Variants in PPRC1 observed in about 807,000 individuals in gnomAD.
The protein encoded by PPRC1 is peroxisome proliferator-activated receptor gamma coactivator-related protein 1.
PPRC1 carries 23 observed loss-of-function variants against 132.5 expected under a neutral mutation model. The observed-to-expected ratio is 0.17, with a 90% CI of 0.12 to 0.25. The LOEUF (loss-of-function observed/expected upper bound fraction) is 0.25. Ranked by LOEUF, PPRC1 falls within the 10% of genes least tolerant of loss-of-function variation. The probability of loss-of-function intolerance (pLI) is 1.00; values close to 1 mark genes in which losing one functional copy is unlikely to be tolerated. For synonymous variants in PPRC1, 872 were observed against 833.5 expected (o/e 1.05, Z -0.80); for missense variants, 2,006 against 2,089.1 (o/e 0.96, Z 0.78).
chr10:102,137,871 G>T lies in PPRC1; in HGVS notation c.175G>T (p.Gly59Cys). The stretch of plus-strand genomic sequence containing the variant: ...CCAGGTGCTGCTGCATGAGGAGGCG[G>T]GTGATTCTGGCTTTGTCAGTCTCTC... ...GEQVLLHEEA[G>C]DSGFVSLSRL... The change falls in exon 2 of 14, where the codon GGT becomes TGT. Residue 59 changes from glycine to cysteine, a missense_variant. By Grantham distance (159) the Gly-to-Cys change is radical (BLOSUM62 -3). This residue lies in a region of PPRC1 where 1,914 missense variants were observed against 1,917.2 expected (regional missense o/e 1.00). Coordinates refer to ENST00000278070, the MANE Select transcript of PPRC1 (RefSeq NM_015062.5). The T allele has an allele frequency of 6.2e-7, 1 of 1,613,940 alleles. No individual in the cohort carries two copies. The highest frequency in any genetic ancestry group is 8.5e-7 in the Non-Finnish European group (1 of 1,179,936).
Position 102,148,873 on chromosome 10 carries a change from G to A in PPRC1, c.4674G>A (p.Glu1558=), listed in dbSNP as rs141475708. Residue 1558 remains glutamate, a synonymous_variant, in exon 12 of 14, where the codon GAG becomes GAA. Coordinates refer to ENST00000278070, the MANE Select transcript of PPRC1 (RefSeq NM_015062.5). The surrounding 1 kb of genome is among the most constrained non-coding windows in gnomAD (Gnocchi z 4.2). ...TACCTGGCCGCATGACTCGATCAGA[G>A]CTGAAACAGAGGTTCTCCGTTTTTG... The part of the protein sequence containing the change: ...GKIPGRMTRS[E]LKQRFSVFGE... 59 of 1,614,096 alleles carry A rather than the reference G, an allele frequency of 3.7e-5. No individual in the cohort carries two copies. Among genetic ancestry groups the A allele is most frequent in the Non-Finnish European group, 4.6e-5 (54 of 1,180,042 alleles).
intron 1 of PPRC1, among the ~76,000 whole-genome samples, chr10:102,133,990 T>TG (rs1462829197): frequency 4.0e-5 from 6 of 151,456 alleles, no homozygotes; most frequent in Admixed American, 6.6e-5. Context: ...CTGAGTGTGA[T>TG]GGGGAGGGTA....
In PPRC1 at chr10:102,138,968, T is replaced by C. The variant is rs2068830741; in HGVS notation, c.579T>C (p.Ser193=). ...VDPLGPSTGS[S]RGSGVEMSLP... ...CACTGGGGCCCAGTACAGGCAGCAG[T>C]AGAGGGAGTGGGGTAAGCCTGACCT... Residue 193 remains serine (S), a synonymous_variant, in exon 4 of 14, where the codon AGT becomes AGC. Transcript: ENST00000278070. 6.2e-7 allele frequency: 1 copy of C among 1,613,488 alleles called. No homozygotes were observed. Among genetic ancestry groups the C allele is most frequent in the African/African-American group, 1.3e-5 (1 of 74,896 alleles).
At chr10:102,129,377 A>C (rs924385661), upstream of PPRC1, among the ~76,000 whole-genome samples, 1 of 152,182 alleles carries the variant, frequency 6.6e-6, no homozygotes, top group African/African-American at 2.4e-5. Context: ...AATGCACTTA[A>C]GGACTAGTAG....
Position 102,139,816 on chromosome 10 carries a change from G to A in PPRC1, c.1308G>A (p.Pro436=), listed in dbSNP as rs749670501. The A allele has an allele frequency of 1.5e-5, 25 of 1,614,072 alleles. No individual in the cohort carries two copies. Among genetic ancestry groups the A allele is most frequent in the Middle Eastern group, 1.6e-4 (1 of 6,082 alleles). The stretch of plus-strand genomic sequence containing the variant: ...TGAAGCCCAGGGAGGTCGTGGAGCC[G>A]GTGGTGCCCAAGGAGCCTCAGAACC... ...CLLKPREVVE[P]VVPKEPQNPP... is the part of the protein sequence containing the mutation. Residue 436 remains proline, a synonymous_variant, in exon 5 of 14, where the codon CCG becomes CCA. Coordinates refer to ENST00000278070, the MANE Select transcript of PPRC1 (RefSeq NM_015062.5).
the PPRC1 span, among the ~76,000 whole-genome samples, chr10:102,125,253 G>A: frequency 2.8e-5 from 4 of 141,842 alleles, no homozygotes; most frequent in East Asian, 8.2e-4. Flanking sequence ...ACCACACCCA[G>A]TTAATTTTTT....
chr10:102,120,209 G>C, the PPRC1 span: 1 of 1,015,818 alleles, frequency 9.8e-7, no homozygotes, highest in African/African-American at 1.7e-5. Flanking sequence ...CGCGGCCCCC[G>C]CTGCGCTCGC....
At chr10:102,126,104 C>T in the PPRC1 span, among the ~76,000 whole-genome samples, 1 of 152,110 alleles carries the variant, frequency 6.6e-6, no homozygotes, top group African/African-American at 2.4e-5. Flanking sequence ...TCAGGTGATC[C>T]ACCCGCCTTG....
upstream of PPRC1, among the ~76,000 whole-genome samples, chr10:102,131,042 C>G (rs1422397427): frequency 6.6e-6 from 1 of 151,216 alleles, no homozygotes; most frequent in Non-Finnish European, 1.5e-5. Context: ...AATACAAAAA[C>G]AAATTAGCTG....
rs746702196 is a variant in PPRC1, at chr10:102,141,834, C to T, written c.3326C>T (p.Pro1109Leu). 6.2e-7 allele frequency: 1 copy of T among 1,614,058 alleles called. No individual in the cohort carries two copies. Among genetic ancestry groups the T allele is most frequent in the Non-Finnish European group, 8.5e-7 (1 of 1,179,984 alleles). Reference protein sequence around the residue: ...RLKPETQETRPREKPPLPATK... With the variant: ...RLKPETQETRLREKPPLPATK... ...AAGCCTGAGACCCAAGAGACCAGGC[C>T]CAGGGAGAAGCCCCCCTTGCCTGCT... The change falls in exon 5 of 14, where the codon CCC becomes CTC. Residue 1109 changes from proline (P) to leucine (L), a missense_variant. By Grantham distance (98) the Pro-to-Leu change is moderately conservative (BLOSUM62 -3). This residue lies in a region of PPRC1 where 1,914 missense variants were observed against 1,917.2 expected (regional missense o/e 1.00). Coordinates refer to ENST00000278070, the MANE Select transcript of PPRC1 (RefSeq NM_015062.5).
rs758186788 is a variant in PPRC1 at position 102,139,787 on chromosome 10, T to G, written c.1279T>G (p.Leu427Val). ...AGAGGAGAAGCTGGACTCAGCCTGCTTATTGAAGCCCAGGGAGGTCGTGGA... is the reference window on the plus strand; with the variant it reads ...AGAGGAGAAGCTGGACTCAGCCTGCGTATTGAAGCCCAGGGAGGTCGTGGA... Reference protein sequence around the residue: ...NSEEKLDSACLLKPREVVEPV... With the variant: ...NSEEKLDSACVLKPREVVEPV... The change falls in exon 5 of 14, where the codon TTA (leucine) becomes GTA (valine). Residue 427 changes from leucine (L) to valine (V), a missense_variant. Leu to Val is a conservative substitution (Grantham distance 32). Transcript: ENST00000278070. The G allele has an allele frequency of 6.2e-7, 1 of 1,614,094 alleles. No homozygotes were observed. The highest frequency in any genetic ancestry group is 1.3e-5 in the African/African-American group (1 of 74,932).
the PPRC1 span, among the ~76,000 whole-genome samples, chr10:102,127,702 G>A: frequency 1.3e-5 from 2 of 151,152 alleles, no homozygotes; most frequent in East Asian, 2.0e-4. Flanking sequence ...CACCACGCCC[G>A]GCCTGCCCAG....
At chr10:102,145,522 G>A (rs981736868) in intron 8 of PPRC1, among the ~76,000 whole-genome samples, 18 of 150,376 alleles carry the variant, frequency 1.2e-4, no homozygotes, top group Admixed American at 1.1e-3. Flanking sequence ...AGGGAGCTGA[G>A]ATCGTGCCAC....
chr10:102,137,962 C>T lies in PPRC1; in HGVS notation c.266C>T (p.Thr89Ile). Residue 89 changes from threonine to isoleucine, a missense_variant, in exon 2 of 14, where the codon ACA becomes ATA. By Grantham distance (89) the Thr-to-Ile change is moderately conservative. Coordinates refer to ENST00000278070, the MANE Select transcript of PPRC1 (RefSeq NM_015062.5). ...GAGGAGCTAATGCTGCAGGATGAGA[C>T]ACTGCTGGGGACCATGCAGAGCTAC... Reference protein sequence around the residue: ...EMEELMLQDETLLGTMQSYMD... With the variant: ...EMEELMLQDEILLGTMQSYMD... 1 of 1,614,132 alleles carries T rather than the reference C, an allele frequency of 6.2e-7. No individual in the cohort carries two copies. Among genetic ancestry groups the T allele is most frequent in the Non-Finnish European group, 8.5e-7 (1 of 1,180,028 alleles).
Position 102,138,758 on chromosome 10 carries a change from G to T in PPRC1, c.482G>T (p.Gly161Val). 6.2e-7 allele frequency: 1 copy of T among 1,614,174 alleles called. No individual in the cohort carries two copies. The highest frequency in any genetic ancestry group is 8.5e-7 in the Non-Finnish European group (1 of 1,180,022). Reference sequence around the variant, plus strand: ...GAGCTGCTTGTGTCACCCCGGGAGGGCTCCTCTGTGAGTGTGGGACCAGGG... The same window carrying T: ...GAGCTGCTTGTGTCACCCCGGGAGGTCTCCTCTGTGAGTGTGGGACCAGGG... Reference protein sequence around the residue: ...DSELLVSPREGSSLHKLLTLS... With the variant: ...DSELLVSPREVSSLHKLLTLS... The change falls in exon 3 of 14, where the codon GGC (glycine) becomes GTC (valine). Residue 161 changes from glycine to valine, a missense_variant. By Grantham distance (109) the Gly-to-Val change is moderately radical. Transcript: ENST00000278070.
rs1044604495 is a variant in PPRC1 at position 102,140,253 on chromosome 10, C to T, written c.1745C>T (p.Ala582Val). 21 of 1,614,138 alleles carry T rather than the reference C, an allele frequency of 1.3e-5. No individual in the cohort carries two copies. The highest frequency in any genetic ancestry group is 1.6e-5 in the Non-Finnish European group (19 of 1,180,058). The change falls in exon 5 of 14, where the codon GCC becomes GTC. Residue 582 changes from alanine (A) to valine (V), a missense_variant. Ala to Val is a moderately conservative substitution (Grantham distance 64). Transcript: ENST00000278070. ...THLSLVDSAQ[A>V]SPMPVDSVEA... ...CTCTCATTGGTCGACTCTGCCCAAG[C>T]CAGCCCCATGCCAGTTGACTCTGTT...
chr10:102,148,364 T>C lies in PPRC1; in HGVS notation c.4401-8T>C, dbSNP rs1343072174. On this transcript the variant is annotated splice_polypyrimidine_tract_variant and splice_region_variant and intron_variant, in intron 9 of 13. Transcript: ENST00000278070. This position sits in a 1 kb window ranked among gnomAD's most constrained non-coding sequence, Gnocchi z 4.2. ...CCCAGCATTCCTGCATGCCCTCTTA[T>C]CCTTCAGGTCCAGCTGTAGTTCCTC... 6.2e-7 allele frequency: 1 copy of C among 1,612,570 alleles called. No individual in the cohort carries two copies. The highest frequency in any genetic ancestry group is 8.5e-7 in the Non-Finnish European group (1 of 1,179,772).
At chr10:102,120,145 T>A in the PPRC1 span, 15 of 1,299,988 alleles carry the variant, frequency 1.2e-5, no homozygotes, top group Non-Finnish European at 1.5e-5. Flanking sequence ...CCCAGCCGAG[T>A]CACGGTGCCC....
the PPRC1 span, among the ~76,000 whole-genome samples, chr10:102,121,237 ACT>A: frequency 2.6e-5 from 4 of 150,968 alleles, no homozygotes; most frequent in African/African-American, 7.3e-5. Context: ...CAGTCAAGAC[ACT>A]CTCTTCCCTT....
Sources: gnomAD v4.1 joint callset for allele counts (sites outside exome capture counted in the v4.1 genomes callset) on GRCh38, gnomAD v4.1.1 for gene constraint, gnomAD v4.1.1 regional missense constraint, Gnocchi (gnomAD v3.1) non-coding constraint, MANE v1.5 for transcripts, NCBI Gene and HGNC (gene_info 2026-07-23, HGNC 2026-07-21) for gene names.